RSF1: variants seen among roughly 807,000 people sequenced by gnomAD.
RSF1 encodes the protein HBV pX-associated protein 8.
In RSF1, 13 loss-of-function variants were observed where a neutral mutation model predicts 145.2. The observed-to-expected ratio is 0.09, with a 90% CI of 0.06 to 0.14. RSF1 has a LOEUF of 0.14. Among genes scored for constraint, RSF1 ranks in the 10% least tolerant of loss-of-function variants. RSF1 has a pLI of 1.00. For missense variants in RSF1, 1,517 were observed against 1,718.2 expected (o/e 0.88, Z 2.07); for synonymous variants, 577 against 592.6 (o/e 0.97, Z 0.38).
the RSF1 span, among the ~76,000 whole-genome samples, chr11:77,848,399 C>T: frequency 6.6e-6 from 1 of 152,050 alleles, no homozygotes; most frequent in Non-Finnish European, 1.5e-5. Context: ...TGCTCTGTCA[C>T]CCAGGCTGGA....
chr11:77,734,949 G>A, intron 4 of RSF1: 1 of 1,596,176 alleles, frequency 6.3e-7, no homozygotes, highest in Non-Finnish European at 8.5e-7. Context: ...AGAGCTCTAG[G>A]TTGATCTGGC....
chr11:77,748,590 C>T (rs77317290), intron 2 of RSF1, among the ~76,000 whole-genome samples: 1,939 of 151,404 alleles, frequency 0.013, 38 homozygotes, highest in African/African-American at 0.045. Context: ...TGAGGAAGAC[C>T]CTAAAGTGAT....
chr11:77,826,029 T>C, the RSF1 span, among the ~76,000 whole-genome samples: 2 of 152,258 alleles, frequency 1.3e-5, no homozygotes, highest in South Asian at 2.1e-4. Flanking sequence ...GTCTATTCTC[T>C]GACAAGCCTG....
At chr11:77,750,364 T>G (rs900098405) in intron 2 of RSF1, among the ~76,000 whole-genome samples, 1 of 152,204 alleles carries the variant, frequency 6.6e-6, no homozygotes, top group Non-Finnish European at 1.5e-5. Context: ...AAATCAGCCA[T>G]AGAATATACA....
chr11:77,845,409 G>C, the RSF1 span, among the ~76,000 whole-genome samples: 1 of 151,540 alleles, frequency 6.6e-6, no homozygotes. Flanking sequence ...GTACTTTCCA[G>C]CTCCAGAATT....
intron 4 of RSF1, among the ~76,000 whole-genome samples, chr11:77,733,472 G>C (rs1430720371): frequency 6.6e-6 from 1 of 151,894 alleles, no homozygotes; most frequent in Non-Finnish European, 1.5e-5. Flanking sequence ...AGCTTGTGAT[G>C]GAATCTGGTC....
intron 1 of RSF1, among the ~76,000 whole-genome samples, chr11:77,802,629 C>T (rs1057010693): frequency 5.3e-5 from 8 of 152,104 alleles, no homozygotes; most frequent in African/African-American, 7.2e-5. Flanking sequence ...CTGCAATCTC[C>T]GCCTCCTGGG....
At chr11:77,825,925 CAG>C in the RSF1 span, among the ~76,000 whole-genome samples, 1 of 152,084 alleles carries the variant, frequency 6.6e-6, no homozygotes, top group East Asian at 1.9e-4. Flanking sequence ...CTCCTGACCT[CAG>C]ATGATCTGCT....
intron 15 of RSF1, among the ~76,000 whole-genome samples, chr11:77,670,108 AC>A (rs931045888): frequency 6.6e-6 from 1 of 152,124 alleles, no homozygotes; most frequent in Non-Finnish European, 1.5e-5. Context: ...CCAGGGTGAG[AC>A]CCTGTCTCAA....
chr11:77,844,871 T>G, the RSF1 span, among the ~76,000 whole-genome samples: 1 of 152,190 alleles, frequency 6.6e-6, no homozygotes, highest in Admixed American at 6.5e-5. Flanking sequence ...GAAGAATAGT[T>G]TGTTGGATAT....
rs528100980 is a variant in RSF1 at position 77,819,092 on chromosome 11, G to A, written c.187+1436C>T. Among the ~76,000 whole-genome samples the A allele has an allele frequency of 1.2e-4, 18 of 152,224 alleles. No homozygotes were observed. The South Asian group carries it at 3.7e-3, about 32-fold the overall frequency. On this transcript the variant is annotated intron_variant, in intron 1 of 15. Transcript: ENST00000308488. The stretch of plus-strand genomic sequence containing the variant: ...TAATATTCTGAAGAACTTCATACTT[G>A]GCGCTTCCTAGCAATGCAAATAAAT...
chr11:77,737,621 G>GGTGT (rs1170824350), intron 4 of RSF1, among the ~76,000 whole-genome samples: 97 of 93,538 alleles, frequency 1.0e-3, no homozygotes, highest in Middle Eastern at 5.1e-3. Flanking sequence ...TGTTTTGGGG[G>GGTGT]GTGTGTGTGT....
chr11:77,728,449 C>G (rs1014394504), intron 4 of RSF1, among the ~76,000 whole-genome samples: 1 of 151,218 alleles, frequency 6.6e-6, no homozygotes, highest in African/African-American at 2.4e-5. Flanking sequence ...GCGAGGCAGG[C>G]AGATCACCTG....
intron 5 of RSF1, among the ~76,000 whole-genome samples, chr11:77,718,624 CTTTAACATTACAGGAATGGTGCTCT>C (rs979882305): frequency 6.6e-6 from 1 of 152,124 alleles, no homozygotes; most frequent in Admixed American, 6.6e-5. Context: ...GAGTGGGGGA[CTTTAACATTACAGGAATGGTGCTCT>C]TATAAGATCA....
At chr11:77,752,314 T>C (rs1948071163) in intron 2 of RSF1, among the ~76,000 whole-genome samples, 1 of 152,214 alleles carries the variant, frequency 6.6e-6, no homozygotes, top group Non-Finnish European at 1.5e-5. Context: ...ATCTTCCCTT[T>C]TTTGTTAGCA....
At chr11:77,744,256 T>C (rs1333936498) in intron 3 of RSF1, among the ~76,000 whole-genome samples, 1 of 152,210 alleles carries the variant, frequency 6.6e-6, no homozygotes, top group African/African-American at 2.4e-5. Context: ...CCTGAACTCC[T>C]GACCTCTACT....
chr11:77,852,967 A>G, the RSF1 span, among the ~76,000 whole-genome samples: 3 of 152,140 alleles, frequency 2.0e-5, no homozygotes, highest in African/African-American at 7.2e-5. Flanking sequence ...ATTGCTTTCA[A>G]TATTTTAGTA....
At chr11:77,857,677 C>T in the RSF1 span, among the ~76,000 whole-genome samples, 1 of 150,458 alleles carries the variant, frequency 6.6e-6, no homozygotes, top group South Asian at 2.1e-4. Flanking sequence ...TTTGCTGCAC[C>T]TATCAACCCA....
At chr11:77,833,009 A>ATATATTT in the RSF1 span, among the ~76,000 whole-genome samples, 9 of 60,022 alleles carry the variant, frequency 1.5e-4, no homozygotes, top group African/African-American at 5.6e-4. Context: ...ATATATATAT[A>ATATATTT]TTTTTTTTTT....
Sources: gnomAD v4.1 joint callset for allele counts (sites outside exome capture counted in the v4.1 genomes callset) on GRCh38, gnomAD v4.1.1 for gene constraint, MANE v1.5 for transcripts, NCBI Gene and HGNC (gene_info 2026-07-23, HGNC 2026-07-21) for gene names.